The following SPAG16 variants were observed in gnomAD, a reference collection of about 807,000 sequenced individuals.
SPAG16 encodes sperm-associated antigen 16 protein.
SPAG16 carries 86 observed loss-of-function variants against 80.4 expected under a neutral mutation model. That is an observed-to-expected ratio of 1.07 (90% CI 0.90 to 1.28). The LOEUF (loss-of-function observed/expected upper bound fraction) is 1.28. SPAG16 is among the 50% of genes most tolerant of loss of function. The pLI, the probability that SPAG16 is intolerant of heterozygous loss-of-function variation, is 0.00. For missense variants in SPAG16, 870 were observed against 765.3 expected (o/e 1.14, Z -1.61); for synonymous variants, 294 against 265.9 (o/e 1.11, Z -1.03).
At chr2:213,465,492 A>C (rs1393969324) in intron 9 of SPAG16, among the ~76,000 whole-genome samples, 1 of 152,170 alleles carries the variant, frequency 6.6e-6, no homozygotes, top group Non-Finnish European at 1.5e-5. Context: ...ATCTGTTCAC[A>C]GTCATGTTCA....
At chr2:213,536,040 A>AGT (rs1485013111) in intron 10 of SPAG16, among the ~76,000 whole-genome samples, 3 of 152,102 alleles carry the variant, frequency 2.0e-5, no homozygotes, top group African/African-American at 7.2e-5. Flanking sequence ...GAGGTATGTG[A>AGT]GTGTGTGTGC....
chr2:213,579,562 A>C (rs2060234346), intron 10 of SPAG16, among the ~76,000 whole-genome samples: 5 of 152,188 alleles, frequency 3.3e-5, no homozygotes, highest in Admixed American at 6.6e-5. Flanking sequence ...AATAGGTTGT[A>C]GATAGGATCC....
At chr2:214,380,356 T>A (rs6728624) in intron 15 of SPAG16, among the ~76,000 whole-genome samples, 1 of 152,154 alleles carries the variant, frequency 6.6e-6, no homozygotes, top group African/African-American at 2.4e-5. Context: ...AGAAAATGCC[T>A]AAAACAATTT....
intron 12 of SPAG16, among the ~76,000 whole-genome samples, chr2:213,982,107 T>C (rs1464115128): frequency 6.7e-6 from 1 of 149,862 alleles, no homozygotes; most frequent in African/African-American, 2.5e-5. Context: ...GATGTTGTTA[T>C]AATAACGTTA....
intron 11 of SPAG16, among the ~76,000 whole-genome samples, chr2:213,899,963 C>T (rs2077152104): frequency 1.3e-5 from 2 of 152,122 alleles, no homozygotes; most frequent in South Asian, 2.1e-4. Flanking sequence ...CTTTGTACAA[C>T]TCTTAGTACC....
chr2:213,825,296 A>G (rs186113544), intron 10 of SPAG16, among the ~76,000 whole-genome samples: 104 of 152,158 alleles, frequency 6.8e-4, no homozygotes, highest in Non-Finnish European at 4.0e-4. Flanking sequence ...CATCTGTGTC[A>G]TATTCTAGAT....
chr2:213,374,713 C>T (rs1034500537), intron 8 of SPAG16, among the ~76,000 whole-genome samples: 7 of 152,022 alleles, frequency 4.6e-5, no homozygotes, highest in Non-Finnish European at 4.4e-5. Context: ...CCATCTTTAA[C>T]TCTGTTTATA....
At chr2:213,683,378 C>T (rs1048234748) in intron 10 of SPAG16, among the ~76,000 whole-genome samples, 2 of 152,030 alleles carry the variant, frequency 1.3e-5, no homozygotes, top group Non-Finnish European at 2.9e-5. Flanking sequence ...TGGCAAGAAC[C>T]CATCTCTACA....
rs188589343 is a variant in SPAG16 at position 213,679,175 on chromosome 2, C to G, written c.1071-183310C>G. Among the ~76,000 whole-genome samples the G allele has an allele frequency of 2.0e-3, 312 of 152,278 alleles. 2 individuals carry two copies. Among genetic ancestry groups the G allele is most frequent in the African/African-American group, 7.3e-3 (304 of 41,558 alleles). ...ATAAATTTAAGCTTAGCCTGCAATT[C>G]TGTGACATGAAACAGATTTATAAGT... On this transcript the variant is annotated intron_variant, in intron 10 of 15. Transcript: ENST00000331683.
At chr2:213,882,350 A>G (rs770858810) in intron 11 of SPAG16, among the ~76,000 whole-genome samples, 45 of 152,172 alleles carry the variant, frequency 3.0e-4, no homozygotes, top group Non-Finnish European at 4.9e-4. Context: ...GCTTCATGGA[A>G]TGAGTTAGGG....
intron 11 of SPAG16, among the ~76,000 whole-genome samples, chr2:213,929,647 A>G (rs895802211): frequency 6.6e-6 from 1 of 152,200 alleles, no homozygotes; most frequent in African/African-American, 2.4e-5. Flanking sequence ...AGCCTAATAT[A>G]TACAACGCTG....
In SPAG16 at chr2:213,802,954, A is replaced by G. The variant is rs111751853; in HGVS notation, c.1071-59531A>G. Reference sequence around the variant, plus strand: ...AAAAATTATTCTGGGCAGCTACCATAACTGAATAGGTAGTAATTGGTCTCA... The same window carrying G: ...AAAAATTATTCTGGGCAGCTACCATGACTGAATAGGTAGTAATTGGTCTCA... On this transcript the variant is annotated intron_variant, in intron 10 of 15. Transcript: ENST00000331683. 3.0e-3 allele frequency among the ~76,000 whole-genome samples: 459 copies of G among 152,296 alleles called. 4 individuals carry two copies. Among genetic ancestry groups the G allele is most frequent in the African/African-American group, 0.011 (438 of 41,584 alleles).
At chr2:213,954,098 C>T (rs1346430877) in intron 12 of SPAG16, among the ~76,000 whole-genome samples, 1 of 151,442 alleles carries the variant, frequency 6.6e-6, no homozygotes, top group African/African-American at 2.4e-5. Flanking sequence ...ACAATCTTAT[C>T]ACACCAAAAA....
At chr2:213,788,002 G>A (rs571269795) in intron 10 of SPAG16, among the ~76,000 whole-genome samples, 1 of 152,062 alleles carries the variant, frequency 6.6e-6, no homozygotes, top group Middle Eastern at 3.4e-3. Flanking sequence ...AATCATAAGA[G>A]CTGGTGTTGT....
At chr2:213,883,909 G>A (rs1028788680) in intron 11 of SPAG16, among the ~76,000 whole-genome samples, 6 of 152,124 alleles carry the variant, frequency 3.9e-5, no homozygotes, top group Non-Finnish European at 8.8e-5. Flanking sequence ...CCTTACATGT[G>A]TGATATATCT....
chr2:213,489,510 A>G (rs1470611854), intron 9 of SPAG16, among the ~76,000 whole-genome samples: 2 of 152,080 alleles, frequency 1.3e-5, no homozygotes, highest in Admixed American at 1.3e-4. Context: ...AATCATAATC[A>G]ATCAATTAGC....
rs189258202 is a variant in SPAG16, at chr2:213,420,607, T to C, written c.942+45488T>C. ...AGTTGCCTTAATACTCTTGAAGGAA[T>C]TAAATAATTGTCTTAAGGCCATATA... On this transcript the variant is annotated intron_variant, in intron 9 of 15. Transcript: ENST00000331683. 2.2e-3 allele frequency among the ~76,000 whole-genome samples: 334 copies of C among 152,336 alleles called. 6 individuals are homozygous for C. Among genetic ancestry groups the C allele is most frequent in the Admixed American group, 0.021 (318 of 15,308 alleles).
intron 13 of SPAG16, among the ~76,000 whole-genome samples, chr2:214,098,679 A>G (rs1405190553): frequency 6.6e-6 from 1 of 152,104 alleles, no homozygotes; most frequent in East Asian, 1.9e-4. Context: ...ACTAGTATAA[A>G]CTTAATTGTG....
chr2:213,852,020 C>T (rs190516835), intron 10 of SPAG16, among the ~76,000 whole-genome samples: 8 of 152,306 alleles, frequency 5.3e-5, no homozygotes, highest in Middle Eastern at 3.4e-3. Flanking sequence ...TGAATAAGAT[C>T]CACTATCTTA....
Sources: allele counts gnomAD v4.1 joint callset (sites outside exome capture counted in the v4.1 genomes callset), GRCh38; gene constraint gnomAD v4.1.1; transcripts MANE v1.5; gene names NCBI Gene and HGNC (gene_info 2026-07-23, HGNC 2026-07-21).